FBRS: variants seen among roughly 807,000 people sequenced by gnomAD.
FBRS encodes fibrosin.
A neutral mutation model predicts 86.1 loss-of-function variants in FBRS; 15 were observed. That is an observed-to-expected ratio of 0.17 (90% confidence interval 0.12 to 0.27). FBRS has a LOEUF of 0.27. Among genes scored for constraint, FBRS ranks in the 10% least tolerant of loss-of-function variants. The pLI, the probability that FBRS is intolerant of heterozygous loss-of-function variation, is 1.00. For synonymous variants in FBRS, 666 were observed against 575.8 expected, an observed-to-expected ratio of 1.16 and a Z score of -2.24; for missense variants, 1,367 against 1,301.6, an observed-to-expected ratio of 1.05 and a Z score of -0.77.
Position 30,669,641 on chromosome 16 carries a change from G to C in FBRS, c.2939G>C (p.Arg980Thr). 6.3e-7 allele frequency: 1 copy of C among 1,595,248 alleles called. No homozygotes were observed. Among genetic ancestry groups the C allele is most frequent in the Non-Finnish European group, 8.5e-7 (1 of 1,173,596 alleles). ...PRGPGPARAD[R>T] ...GGCCCTGGCCCAGCTCGGGCTGACAGGTGAGGGGAACGGGGGGGGGTCGGG... is the reference window on the plus strand; with the variant it reads ...GGCCCTGGCCCAGCTCGGGCTGACACGTGAGGGGAACGGGGGGGGGTCGGG... Residue 980 changes from arginine (R) to threonine (T), a missense_variant, in exon 18 of 18, where the codon AGG becomes ACG. By Grantham distance (71) the Arg-to-Thr change is moderately conservative. Coordinates refer to ENST00000356166, the MANE Select transcript of FBRS (RefSeq NM_001105079.3). This position sits in a 1 kb window ranked among gnomAD's most constrained non-coding sequence, Gnocchi z 5.9.
chr16:30,661,843 T>C (rs2052466058), intron 4 of FBRS: 1 of 183,684 alleles, frequency 5.4e-6, no homozygotes, highest in African/African-American at 2.4e-5. Context: ...TGGGCCCATG[T>C]AAGTAACTCA....
rs1341363825 is a variant in FBRS, at chr16:30,668,780, G to A, written c.2167G>A (p.Ala723Thr). ...CTTCACCCTCTGCCCAGACTCCGGC[G>A]CCGTCTTTGCCCAGAAAGAAAGCCC... is the stretch of plus-strand genomic sequence containing the variant. ...GLGSPTFNSG[A>T]VFAQKESPGA... Residue 723 changes from alanine (A) to threonine (T), a missense_variant, in exon 17 of 18, where the codon GCC (alanine) becomes ACC (threonine). Around this residue, in one of 3 missense-constraint regions of FBRS, gnomAD observed 659 missense variants for 678.8 expected, o/e 0.97. Transcript: ENST00000356166. The A allele has an allele frequency of 6.3e-6, 10 of 1,599,674 alleles. No homozygotes were observed. The highest frequency in any genetic ancestry group is 1.7e-5 in the Admixed American group (1 of 59,410).
chr16:30,667,727 A>G (rs2052540376), intron 15 of FBRS, 105 bp downstream of exon 15: 2 of 1,045,560 alleles, frequency 1.9e-6, no homozygotes, highest in Non-Finnish European at 2.7e-6. Flanking sequence ...ACCTGGTTCC[A>G]CTTGCTTAGT....
At position 30,669,807 on chromosome 16, in the gene FBRS, C is replaced by A; in HGVS notation, c.*162C>A. On this transcript the variant is annotated 3_prime_UTR_variant, in exon 18 of 18. Coordinates refer to ENST00000356166, the MANE Select transcript of FBRS (RefSeq NM_001105079.3). This position sits in a 1 kb window ranked among gnomAD's most constrained non-coding sequence, Gnocchi z 5.9. ...ACAGAAGCCTCAACCCCCACAAGAC[C>A]AAGCATCACATGGAGTGTAGGGTCA... 1.1e-6 allele frequency: 1 copy of A among 884,500 alleles called. No homozygotes were observed. The highest frequency in any genetic ancestry group is 1.7e-6 in the Non-Finnish European group (1 of 597,112). The allele number at this position is 884,500 out of a possible 1,614,324, so 54.8% of individuals were successfully genotyped here. A position where few individuals can be genotyped will look rare whatever the true frequency, so the allele number is the denominator to read the frequency against.
chr16:30,667,705 A>G, intron 15 of FBRS, 83 bp downstream of exon 15: 1 of 1,258,940 alleles, frequency 7.9e-7, no homozygotes, highest in Non-Finnish European at 1.1e-6. Context: ...AGGCAGCTGG[A>G]ATGCAGGATA....
At chr16:30,667,255 G>A in intron 13 of FBRS, 65 bp from the exon 14 acceptor site, 1 of 1,309,052 alleles carries the variant, frequency 7.6e-7, no homozygotes, top group Non-Finnish European at 1.0e-6. Flanking sequence ...AACCACGGGT[G>A]AGAGAGCAAG....
rs377725752 is a variant in FBRS at position 30,666,552 on chromosome 16, T to C, written c.1803+11T>C. The C allele has an allele frequency of 6.2e-7, 1 of 1,613,834 alleles. No individual in the cohort carries two copies. The highest frequency in any genetic ancestry group is 8.5e-7 in the Non-Finnish European group (1 of 1,179,884). On this transcript the variant is annotated intron_variant, in intron 12 of 17. Coordinates refer to ENST00000356166, the MANE Select transcript of FBRS (RefSeq NM_001105079.3). Reference sequence around the variant, plus strand: ...CGGCCACCTTTGAGGGTGAGTTGTGTGAGGACCTCAGGCTGCATGAGGCTG... The same window carrying C: ...CGGCCACCTTTGAGGGTGAGTTGTGCGAGGACCTCAGGCTGCATGAGGCTG...
intron 2 of FBRS, 29 bp from the exon 3 acceptor site, chr16:30,661,151 C>T: frequency 1.3e-6 from 2 of 1,550,294 alleles, no homozygotes; most frequent in South Asian, 1.2e-5. Flanking sequence ...CAGCCGCCTC[C>T]CTCACCTCTG....
In FBRS at chr16:30,669,594, C is replaced by A. The variant is rs764769291; in HGVS notation, c.2892C>A (p.Pro964=). 6.2e-7 allele frequency: 1 copy of A among 1,610,872 alleles called. No homozygotes were observed. Among genetic ancestry groups the A allele is most frequent in the South Asian group, 1.1e-5 (1 of 91,028 alleles). The change falls in exon 18 of 18, where the codon CCC becomes CCA. Residue 964 remains proline, a synonymous_variant. Transcript: ENST00000356166. This position sits in a 1 kb window ranked among gnomAD's most constrained non-coding sequence, Gnocchi z 5.9. ...LGAPPPLVPA[P]RPSSPPRGPG... is the part of the protein sequence containing the mutation. The stretch of plus-strand genomic sequence containing the variant: ...CACCACCTCCGCTTGTGCCCGCCCC[C>A]CGGCCCAGTTCCCCACCTAGGGGCC...
chr16:30,662,818 C>A lies in FBRS; in HGVS notation c.1014C>A (p.Arg338=). The A allele has an allele frequency of 6.8e-7, 1 of 1,471,326 alleles. No individual in the cohort carries two copies. The highest frequency in any genetic ancestry group is 1.4e-5 in the African/African-American group (1 of 70,636). 91.1% of individuals were successfully genotyped at this position (1,471,326 alleles called of 1,614,324 possible). The change falls in exon 6 of 18, where the codon CGC becomes CGA. Residue 338 remains arginine (R), a synonymous_variant. Transcript: ENST00000356166. ...LQLRVSPFGL[R]TSPYGSSLDL... ...TTCGGGTCTCACCCTTCGGCCTCCG[C>A]ACTTCTCCATATGGCAGCAGCCTGG...
At chr16:30,662,054 C>T (rs772104221) in intron 4 of FBRS, 26 of 240,492 alleles carry the variant, frequency 1.1e-4, no homozygotes, top group South Asian at 2.6e-4. Flanking sequence ...TCTTAAATAT[C>T]TGCAGTTGGT....
chr16:30,666,611 T>G (rs898851224), intron 12 of FBRS, 70 bp downstream of exon 12: 12 of 1,608,396 alleles, frequency 7.5e-6, no homozygotes, highest in South Asian at 3.3e-5. Flanking sequence ...CTAAGGGGGG[T>G]TTTGCTTACA....
chr16:30,668,987 TCCCACCCACCC>T lies in FBRS; in HGVS notation c.2366+9_2366+19del. The T allele has an allele frequency of 9.5e-6, 14 of 1,480,950 alleles. No individual in the cohort carries two copies. Among genetic ancestry groups the T allele is most frequent in the East Asian group, 4.9e-5 (2 of 40,912 alleles). The allele number at this position is 1,480,950 out of a possible 1,614,324, so 91.7% of individuals were successfully genotyped here. On this transcript the variant is annotated intron_variant, in intron 17 of 17. Transcript: ENST00000356166. ...CAAGGAGGAGAAGGACAGGTGTGCCTCCCACCCACCCTGCCCCTGCCCCACCCTCAGCCCCT... is the reference window on the plus strand; with the variant it reads ...CAAGGAGGAGAAGGACAGGTGTGCCTTGCCCCTGCCCCACCCTCAGCCCCT...
Position 30,669,651 on chromosome 16 carries a change from A to G in FBRS, c.*6A>G, listed in dbSNP as rs1160522116. The G allele has an allele frequency of 2.5e-6, 4 of 1,585,110 alleles. No homozygotes were observed. The African/African-American group carries it at 5.4e-5, about 22-fold the overall frequency. ...CAGCTCGGGCTGACAGGTGAGGGGA[A>G]CGGGGGGGGGTCGGGGCAAAGCTCC... is the stretch of plus-strand genomic sequence containing the variant. On this transcript the variant is annotated 3_prime_UTR_variant, in exon 18 of 18. Transcript: ENST00000356166. The surrounding 1 kb of genome is among the most constrained non-coding windows in gnomAD (Gnocchi z 5.9).
chr16:30,667,138 G>A (rs544014714), intron 13 of FBRS, 148 bp downstream of exon 13: 4 of 996,074 alleles, frequency 4.0e-6, no homozygotes, highest in East Asian at 2.6e-5. Context: ...TCTATGGCTG[G>A]CACCTTAGTT....
chr16:30,669,182 G>A lies in FBRS; in HGVS notation c.2480G>A (p.Arg827Gln), dbSNP rs760824364. ...GAATCTGTGCGGGTAAAGGAAGAGCGGAAGGAGGAGGCTGCCGCCGCCGCT... is the reference window on the plus strand; with the variant it reads ...GAATCTGTGCGGGTAAAGGAAGAGCAGAAGGAGGAGGCTGCCGCCGCCGCT... The part of the protein sequence containing the change: ...TKESVRVKEE[R>Q]KEEAAAAAAA... The change falls in exon 18 of 18, where the codon CGG becomes CAG. Residue 827 changes from arginine (R) to glutamine (Q), a missense_variant. Physicochemically the swap from Arg to Gln is conservative, Grantham distance 43. Coordinates refer to ENST00000356166, the MANE Select transcript of FBRS (RefSeq NM_001105079.3). This position sits in a 1 kb window ranked among gnomAD's most constrained non-coding sequence, Gnocchi z 5.9. The A allele has an allele frequency of 1.7e-5, 26 of 1,551,028 alleles. No homozygotes were observed. Among genetic ancestry groups the A allele is most frequent in the East Asian group, 7.3e-5 (3 of 40,940 alleles).
chr16:30,666,631 G>A, intron 12 of FBRS, 90 bp downstream of exon 12: 1 of 1,590,492 alleles, frequency 6.3e-7, no homozygotes, highest in East Asian at 2.2e-5. Context: ...AAATAAGTGA[G>A]AAGCCCAGAA....
chr16:30,661,145 C>T (rs758870670), intron 2 of FBRS, 35 bp from the exon 3 acceptor site: 13 of 1,550,024 alleles, frequency 8.4e-6, no homozygotes, highest in East Asian at 2.4e-5. Flanking sequence ...CCTCAGCAGC[C>T]GCCTCCCTCA....
In FBRS at chr16:30,658,877, A is replaced by C. The variant is rs374016485; in HGVS notation, c.-642A>C. The C allele has an allele frequency of 8.5e-5, 13 of 152,198 alleles. No individual in the cohort carries two copies. The highest frequency in any genetic ancestry group is 3.1e-4 in the African/African-American group (13 of 41,500). 9.4% of individuals were successfully genotyped at this position (152,198 alleles called of 1,614,324 possible). A position where few individuals can be genotyped will look rare whatever the true frequency, so the allele number is the denominator to read the frequency against. On this transcript the variant is annotated 5_prime_UTR_variant, in exon 1 of 18. Coordinates refer to ENST00000356166, the MANE Select transcript of FBRS (RefSeq NM_001105079.3). ...AAATTGAGAACTGTGCCGTTGGGAGAACTGGGGCGAGTGGGGTTTTTCTTT... is the reference window on the plus strand; with the variant it reads ...AAATTGAGAACTGTGCCGTTGGGAGCACTGGGGCGAGTGGGGTTTTTCTTT...
Sources: gnomAD v4.1 joint callset for allele counts on GRCh38, gnomAD v4.1.1 for gene constraint, gnomAD v4.1.1 regional missense constraint, Gnocchi (gnomAD v3.1) non-coding constraint, MANE v1.5 for transcripts, NCBI Gene and HGNC (gene_info 2026-07-23, HGNC 2026-07-21) for gene names.